SGTA: variants seen among roughly 807,000 people sequenced by gnomAD.
SGTA encodes the protein small glutamine-rich tetratricopeptide repeat-containing protein alpha.
In SGTA, 22 loss-of-function variants were observed where a neutral mutation model predicts 44.3. The ratio of observed to expected loss-of-function variants is 0.50; its 90% CI spans 0.36 to 0.71. The LOEUF is 0.71. Ranked by LOEUF, SGTA falls within the 30% of genes least tolerant of loss-of-function variation. The probability of loss-of-function intolerance (pLI) is 0.00; values close to 1 mark genes in which losing one functional copy is unlikely to be tolerated. For missense variants in SGTA, 341 were observed against 435.9 expected, an observed-to-expected ratio of 0.78 and a Z score of 1.94; for synonymous variants, 174 against 177.6, an observed-to-expected ratio of 0.98 and a Z score of 0.16.
chr19:2,766,472 G>C (rs960715929), intron 4 of SGTA, among the ~76,000 whole-genome samples: 1 of 150,154 alleles, frequency 6.7e-6, no homozygotes, highest in Non-Finnish European at 1.5e-5. Flanking sequence ...CACTCTTATC[G>C]CCCAGGCTGG....
chr19:2,769,113 C>T (rs1320984930), intron 1 of SGTA, 22 bp from the exon 2 acceptor site: 5 of 1,507,208 alleles, frequency 3.3e-6, no homozygotes, highest in Non-Finnish European at 4.6e-6. Context: ...GGAAAAACCC[C>T]CATCAGGCCC....
At position 2,767,154 on chromosome 19, in the gene SGTA, C is replaced by A; in HGVS notation, c.274G>T (p.Glu92Ter). 1 of 1,612,278 alleles carries A rather than the reference C, an allele frequency of 6.2e-7. No homozygotes were observed. The highest frequency in any genetic ancestry group is 1.7e-5 in the Admixed American group (1 of 59,866). The change falls in exon 4 of 12, where the codon GAG becomes TAG. Residue 92 changes from glutamate (E) to a stop codon, truncating the protein, a stop_gained. Transcript: ENST00000221566. LOFTEE classifies it high-confidence loss of function. This position sits in a 1 kb window ranked among gnomAD's most constrained non-coding sequence, Gnocchi z 7.3. The stretch of plus-strand genomic sequence containing the variant: ...CCCTTACCTTCGGTTTTGAGGCGCT[C>A]TGCCTCTGCTGAGTCCTCCTCGGAA... ...PPSEEDSAEA[E>*]RLKTEGNEQM...
chr19:2,769,503 C>G (rs1390899767), intron 1 of SGTA, among the ~76,000 whole-genome samples: 2 of 152,212 alleles, frequency 1.3e-5, no homozygotes, highest in Non-Finnish European at 2.9e-5. Context: ...AACGATCCAG[C>G]CCCAATGTCC....
chr19:2,764,960 C>T (rs1257129596), intron 5 of SGTA, among the ~76,000 whole-genome samples: 1 of 152,118 alleles, frequency 6.6e-6, no homozygotes, highest in Non-Finnish European at 1.5e-5. Flanking sequence ...ATCTTTCCCC[C>T]ATGGCCTCCC....
chr19:2,762,590 C>T lies in SGTA; in HGVS notation c.552G>A (p.Lys184=), dbSNP rs1418752528. The T allele has an allele frequency of 3.1e-6, 5 of 1,613,996 alleles. No homozygotes were observed. In the African/African-American group the frequency reaches 5.3e-5, roughly 17 times the overall value. ...CGTTGTCGGGGTCCAGCTCCAGAGC[C>T]TTCTTGTAGTAAGCCACGGCCTCCA... ...KHVEAVAYYK[K]ALELDPDNET... is the part of the protein sequence containing the mutation. Residue 184 remains lysine, a synonymous_variant, in exon 7 of 12, where the codon AAG becomes AAA. Transcript: ENST00000221566.
Position 2,767,128 on chromosome 19 carries a change from T to A in SGTA, c.292+8A>T. On this transcript the variant is annotated splice_region_variant and intron_variant, in intron 4 of 11. Coordinates refer to ENST00000221566, the MANE Select transcript of SGTA (RefSeq NM_003021.4). The surrounding 1 kb of genome is among the most constrained non-coding windows in gnomAD (Gnocchi z 7.3). The stretch of plus-strand genomic sequence containing the variant: ...GAGGTGTCTGTGGGGATGGAGGTCC[T>A]CCCTTACCTTCGGTTTTGAGGCGCT... The A allele has an allele frequency of 6.2e-7, 1 of 1,604,268 alleles. No individual in the cohort carries two copies. Among genetic ancestry groups the A allele is most frequent in the Non-Finnish European group, 8.5e-7 (1 of 1,173,800 alleles).
At chr19:2,783,018 G>A (rs948154576) in intron 1 of SGTA, among the ~76,000 whole-genome samples, 3 of 152,228 alleles carry the variant, frequency 2.0e-5, no homozygotes, top group Non-Finnish European at 4.4e-5. Flanking sequence ...AGCATTTCCA[G>A]GACCTGGGGC....
chr19:2,772,781 C>T (rs1915344007), intron 1 of SGTA, among the ~76,000 whole-genome samples: 1 of 146,382 alleles, frequency 6.8e-6, no homozygotes, highest in African/African-American at 2.7e-5. Context: ...GACGCGGCCA[C>T]ACGGCAGGGA....
intron 1 of SGTA, among the ~76,000 whole-genome samples, chr19:2,769,957 A>C (rs909321655): frequency 3.9e-4 from 5 of 12,952 alleles, no homozygotes; most frequent in Non-Finnish European, 5.6e-4. Context: ...CCCCTCGGAC[A>C]CCCGCCTAGT....
chr19:2,776,405 G>A (rs1273990378), intron 1 of SGTA, among the ~76,000 whole-genome samples: 3 of 152,224 alleles, frequency 2.0e-5, no homozygotes, highest in Non-Finnish European at 4.4e-5. Flanking sequence ...CAACATGGGC[G>A]GACCTTGAGG....
chr19:2,762,907 G>A (rs1292415099), intron 6 of SGTA, among the ~76,000 whole-genome samples: 4 of 152,206 alleles, frequency 2.6e-5, no homozygotes, highest in Non-Finnish European at 4.4e-5. Context: ...AGCCCAGAGC[G>A]GGCTGAGAGG....
In SGTA at chr19:2,761,894, C is replaced by T. The variant is rs1029783108; in HGVS notation, c.637-372G>A. Among the ~76,000 whole-genome samples the T allele has an allele frequency of 1.1e-4, 17 of 148,604 alleles. No individual in the cohort carries two copies. Among genetic ancestry groups the T allele is most frequent in the Admixed American group, 1.0e-3 (15 of 14,994 alleles). On this transcript the variant is annotated intron_variant, in intron 7 of 11. Transcript: ENST00000221566. This position sits in a 1 kb window ranked among gnomAD's most constrained non-coding sequence, Gnocchi z 5.7. ...CATCCCGTGTTTATTCCCCGTACAGCGCGACCGCCCGGGGACGGCACAGTC... is the reference window on the plus strand; with the variant it reads ...CATCCCGTGTTTATTCCCCGTACAGTGCGACCGCCCGGGGACGGCACAGTC...
chr19:2,768,219 C>A (rs1915204120), intron 2 of SGTA, among the ~76,000 whole-genome samples: 1 of 152,056 alleles, frequency 6.6e-6, no homozygotes, highest in Non-Finnish European at 1.5e-5. Flanking sequence ...ACCCAGGGGG[C>A]CCTCCCACCG....
At chr19:2,779,443 G>T (rs1354641476) in intron 1 of SGTA, among the ~76,000 whole-genome samples, 2 of 152,196 alleles carry the variant, frequency 1.3e-5, no homozygotes, top group Admixed American at 1.3e-4. Flanking sequence ...GCTCTTCAGA[G>T]GGGGGTCCAG....
intron 2 of SGTA, 94 bp downstream of exon 2, chr19:2,768,875 C>T (rs1357350121): frequency 3.1e-5 from 28 of 911,074 alleles, no homozygotes; most frequent in Middle Eastern, 6.1e-4. Flanking sequence ...AAAAGCCAGG[C>T]GGGGGACCAG....
At chr19:2,762,380 T>G in intron 7 of SGTA, 126 bp downstream of exon 7, 1 of 938,612 alleles carries the variant, frequency 1.1e-6, no homozygotes, top group Non-Finnish European at 1.6e-6. Flanking sequence ...CACCACCAAC[T>G]GAAACAAACC....
At chr19:2,756,308 T>C (rs1914817534) in intron 11 of SGTA, among the ~76,000 whole-genome samples, 1 of 150,390 alleles carries the variant, frequency 6.6e-6, no homozygotes, top group Non-Finnish European at 1.5e-5. Context: ...TGGCTCTGGG[T>C]GAGAAGATTA....
chr19:2,761,321 A>G lies in SGTA; in HGVS notation c.699+139T>C, dbSNP rs1599497775. 1.3e-6 allele frequency: 1 copy of G among 799,156 alleles called. No individual in the cohort carries two copies. Among genetic ancestry groups the G allele is most frequent in the Non-Finnish European group, 2.0e-6 (1 of 489,882 alleles). The allele number at this position is 799,156 out of a possible 1,614,324, so 49.5% of individuals were successfully genotyped here. A position where few individuals can be genotyped will look rare whatever the true frequency, so the allele number is the denominator to read the frequency against. ...CCAGCGCCCTGCGGTGCCCAGGACG[A>G]CCCCACAGACAAGACCCATCTGGTT... is the stretch of plus-strand genomic sequence containing the variant. On this transcript the variant is annotated intron_variant, in intron 8 of 11. Coordinates refer to ENST00000221566, the MANE Select transcript of SGTA (RefSeq NM_003021.4). The surrounding 1 kb of genome is among the most constrained non-coding windows in gnomAD (Gnocchi z 5.7).
intron 1 of SGTA, among the ~76,000 whole-genome samples, chr19:2,781,932 C>G (rs1010096096): frequency 6.6e-6 from 1 of 151,500 alleles, no homozygotes; most frequent in African/African-American, 2.4e-5. Context: ...ACCTCTGCCT[C>G]CTGGGTTCAA....
Sources: allele counts gnomAD v4.1 joint callset (sites outside exome capture counted in the v4.1 genomes callset), GRCh38; gene constraint gnomAD v4.1.1; non-coding constraint Gnocchi (gnomAD v3.1); transcripts MANE v1.5; gene names NCBI Gene and HGNC (gene_info 2026-07-23, HGNC 2026-07-21).